MACF1: variants seen among roughly 807,000 people sequenced by gnomAD.
The protein encoded by MACF1 is microtubule-actin cross-linking factor 1.
Under a neutral mutation model 854.8 loss-of-function variants are expected in MACF1, and 193 were observed. That is an observed-to-expected ratio of 0.23 (90% CI 0.20 to 0.25). MACF1 has a LOEUF of 0.25. Ranked by LOEUF, MACF1 falls within the 10% of genes least tolerant of loss-of-function variation. The pLI, the probability that MACF1 is intolerant of heterozygous loss-of-function variation, is 1.00. For synonymous variants in MACF1, 3,185 were observed against 3,226.7 expected (o/e 0.99, Z 0.44); for missense variants, 7,722 against 8,929.1 (o/e 0.86, Z 5.45).
chr1:39,455,096 A>G lies in MACF1; in HGVS notation c.21074A>G (p.Gln7025Arg), dbSNP rs775552890. The G allele has an allele frequency of 6.2e-7, 1 of 1,613,690 alleles. No homozygotes were observed. Among genetic ancestry groups the G allele is most frequent in the East Asian group, 2.2e-5 (1 of 44,882 alleles). ...DRVKALIAEH[Q>R]TFMEEMTRKQ... ...GTTAAAGCCCTTATCGCTGAGCATC[A>G]GGTATCTTAACCTCACTGTGTGATC... Residue 7025 changes from glutamine (Q) to arginine (R), a missense_variant and splice_region_variant, in exon 89 of 101, where the codon CAG becomes CGG. Gln to Arg is a conservative substitution (Grantham distance 43). Transcript: ENST00000564288.
In MACF1 at chr1:39,461,816, AAAT is replaced by A. The variant is rs375612175; in HGVS notation, c.21524-66_21524-64del. 142 of 1,049,934 alleles carry A rather than the reference AAAT, an allele frequency of 1.4e-4. 2 individuals are homozygous for A. The highest frequency in any genetic ancestry group is 1.3e-3 in the African/African-American group (77 of 58,872). The allele number at this position is 1,049,934 out of a possible 1,614,324, so 65.0% of individuals were successfully genotyped here. A position where few individuals can be genotyped will look rare whatever the true frequency, so the allele number is the denominator to read the frequency against. On this transcript the variant is annotated intron_variant, in intron 92 of 100. Transcript: ENST00000564288. The stretch of plus-strand genomic sequence containing the variant: ...CAAAAAAAAAAAAAAAAAAAAAAAA[AAAT>A]CTATAACCGCCAACCGAACAAGTAC...
At chr1:39,371,949 G>A (rs1375695985) in intron 51 of MACF1, among the ~76,000 whole-genome samples, 2 of 151,806 alleles carry the variant, frequency 1.3e-5, no homozygotes, top group African/African-American at 4.8e-5. Flanking sequence ...GAGTCGCTGG[G>A]ATTACGGGTG....
intron 74 of MACF1, among the ~76,000 whole-genome samples, chr1:39,441,554 G>A (rs1377549421): frequency 6.6e-6 from 1 of 152,154 alleles, no homozygotes; most frequent in African/African-American, 2.4e-5. Context: ...GCTCATCATA[G>A]ATTCATTCAG....
chr1:39,236,937 G>A (rs1007242277), intron 2 of MACF1, among the ~76,000 whole-genome samples: 2 of 152,210 alleles, frequency 1.3e-5, no homozygotes, highest in Non-Finnish European at 2.9e-5. Flanking sequence ...TTACAGGCAT[G>A]AGCCACCGCG....
At chr1:39,196,343 A>G (rs1056517348) in intron 2 of MACF1, among the ~76,000 whole-genome samples, 8 of 152,212 alleles carry the variant, frequency 5.3e-5, no homozygotes, top group African/African-American at 1.9e-4. Flanking sequence ...CTTTGTAGAC[A>G]TTCTGGGCCT....
chr1:39,419,110 T>C (rs1235570946), intron 58 of MACF1, among the ~76,000 whole-genome samples: 1 of 152,222 alleles, frequency 6.6e-6, no homozygotes, highest in Non-Finnish European at 1.5e-5. Flanking sequence ...AAAACAGCTT[T>C]ATTTGGGAGT....
chr1:39,136,815 AAC>A (rs1643183443), intron 2 of MACF1, among the ~76,000 whole-genome samples: 1 of 152,236 alleles, frequency 6.6e-6, no homozygotes, highest in Admixed American at 6.5e-5. Context: ...ATTTTAGAGA[AAC>A]AGATTAAATA....
intron 6 of MACF1, among the ~76,000 whole-genome samples, chr1:39,272,730 G>A (rs1396083455): frequency 6.6e-6 from 1 of 152,158 alleles, no homozygotes; most frequent in Admixed American, 6.5e-5. Flanking sequence ...TGCTAGTGTA[G>A]GGTTTAGATA....
chr1:39,236,434 A>G (rs79259628), intron 2 of MACF1, among the ~76,000 whole-genome samples: 2,761 of 152,154 alleles, frequency 0.018, 90 homozygotes, highest in African/African-American at 0.064. Context: ...CAAACTTAAC[A>G]CCTCTTCAGT....
intron 84 of MACF1, 22 bp downstream of exon 84, chr1:39,448,785 A>G (rs1644276939): frequency 6.3e-7 from 1 of 1,578,530 alleles, no homozygotes; most frequent in Admixed American, 1.8e-5. Context: ...TGTCCCCTTC[A>G]GGGGTCTAAC....
intron 58 of MACF1, among the ~76,000 whole-genome samples, chr1:39,406,738 C>CAAAA (rs5773658): frequency 3.5e-4 from 11 of 31,736 alleles, no homozygotes; most frequent in South Asian, 1.1e-3. Context: ...GAGTCTCACT[C>CAAAA]AAAAAAAAAA....
At chr1:39,094,556 T>TA (rs1457598287) in intron 2 of MACF1, among the ~76,000 whole-genome samples, 1 of 151,920 alleles carries the variant, frequency 6.6e-6, no homozygotes, top group Non-Finnish European at 1.5e-5. Context: ...CTGTCTCTAC[T>TA]AAAAATACAA....
At chr1:39,353,422 T>G (rs1250782523) in intron 44 of MACF1, among the ~76,000 whole-genome samples, 191 bp downstream of exon 44, 1 of 152,212 alleles carries the variant, frequency 6.6e-6, no homozygotes, top group African/African-American at 2.4e-5. Flanking sequence ...AATACTACTC[T>G]GCCCTGACCA....
chr1:39,316,736 T>A lies in MACF1; in HGVS notation c.3588+207T>A, dbSNP rs11205900. On this transcript the variant is annotated intron_variant, in intron 28 of 100. Coordinates refer to ENST00000564288, the MANE Select transcript of MACF1 (RefSeq NM_001394062.1). ...AGAAAGGGAAGAGAAAGGACTAGGT[T>A]TTTCTATTTATTTTTTCCCTTTTCA... 0.028 allele frequency among the ~76,000 whole-genome samples: 4,274 copies of A among 152,244 alleles called. 194 individuals carry two copies. Among genetic ancestry groups the A allele is most frequent in the African/African-American group, 0.097 (4,031 of 41,538 alleles).
chr1:39,090,513 G>A (rs1449412611), intron 2 of MACF1, among the ~76,000 whole-genome samples: 1 of 152,250 alleles, frequency 6.6e-6, no homozygotes, highest in African/African-American at 2.4e-5. Context: ...GAGGTGCAGG[G>A]CCCCTGTGGG....
At chr1:39,217,789 G>A (rs1395378142) in intron 1 of MACF1, among the ~76,000 whole-genome samples, 1 of 151,722 alleles carries the variant, frequency 6.6e-6, no homozygotes, top group Non-Finnish European at 1.5e-5. Context: ...TTGGGGGCGC[G>A]GCTGAGGAGG....
intron 89 of MACF1, among the ~76,000 whole-genome samples, chr1:39,456,098 C>G (rs942302819): frequency 1.6e-4 from 25 of 152,224 alleles, no homozygotes; most frequent in African/African-American, 6.0e-4. Flanking sequence ...CTTTGGGAGG[C>G]CAAGGGGGGC....
Position 39,460,643 on chromosome 1 carries a change from T to A in MACF1, c.21372T>A (p.Phe7124Leu). Residue 7124 changes from phenylalanine to leucine, a missense_variant, in exon 92 of 101, where the codon TTT (phenylalanine) becomes TTA (leucine). Phe to Leu is a conservative substitution (Grantham distance 22). Coordinates refer to ENST00000564288, the MANE Select transcript of MACF1 (RefSeq NM_001394062.1). This position sits in a 1 kb window ranked among gnomAD's most constrained non-coding sequence, Gnocchi z 4.1. ...TGATTTCTGTGTAGTTGAAAGAATT[T>A]GCCAACTTTGACTTTGATGTCTGGA... ...ALDRLEELKE[F>L]ANFDFDVWRK... 1.2e-6 allele frequency: 2 copies of A among 1,614,196 alleles called. No homozygotes were observed. Among genetic ancestry groups the A allele is most frequent in the Non-Finnish European group, 1.7e-6 (2 of 1,180,016 alleles).
At chr1:39,301,182 A>G (rs1369016539) in intron 22 of MACF1, among the ~76,000 whole-genome samples, 1 of 152,104 alleles carries the variant, frequency 6.6e-6, no homozygotes, top group African/African-American at 2.4e-5. Context: ...GCTGGAGTGC[A>G]GTGGCACGAT....
Sources: gnomAD v4.1 joint callset for allele counts (sites outside exome capture counted in the v4.1 genomes callset) on GRCh38, gnomAD v4.1.1 for gene constraint, Gnocchi (gnomAD v3.1) non-coding constraint, MANE v1.5 for transcripts, NCBI Gene and HGNC (gene_info 2026-07-23, HGNC 2026-07-21) for gene names.